The following BID variants were observed in gnomAD, a reference collection of about 807,000 sequenced individuals.
BID encodes the protein BH3 interacting domain death agonist.
A neutral mutation model predicts 17.4 loss-of-function variants in BID; 19 were observed. The ratio of observed to expected loss-of-function variants is 1.09; its 90% CI spans 0.76 to 1.60. BID has a LOEUF of 1.60. Ranked by LOEUF, BID falls within the 40% of genes most tolerant of loss-of-function variation. BID has a pLI of 0.00. For synonymous variants in BID, 108 were observed against 102.8 expected (o/e 1.05, Z -0.31); for missense variants, 226 against 256.0 (o/e 0.88, Z 0.80).
intron 1 of BID, among the ~76,000 whole-genome samples, chr22:17,753,325 G>C (rs1317785402): frequency 6.6e-6 from 1 of 152,226 alleles, no homozygotes; most frequent in Non-Finnish European, 1.5e-5. Flanking sequence ...GGGGCAAGGT[G>C]TTGTGGCAGT....
chr22:17,763,002 G>C (rs1027526599), intron 1 of BID, among the ~76,000 whole-genome samples: 12 of 148,746 alleles, frequency 8.1e-5, no homozygotes, highest in African/African-American at 2.7e-4. Flanking sequence ...TCAGCCTCCC[G>C]AGTAGCTGGG....
At chr22:17,757,187 G>A (rs2061597395) in intron 1 of BID, among the ~76,000 whole-genome samples, 1 of 152,010 alleles carries the variant, frequency 6.6e-6, no homozygotes. Flanking sequence ...GGCCAGGGCA[G>A]GCTGATCACC....
At chr22:17,744,043 G>C in intron 2 of BID, 30 bp from the exon 3 acceptor site, 1 of 1,590,278 alleles carries the variant, frequency 6.3e-7, no homozygotes, top group South Asian at 1.1e-5. Context: ...AGGAAGCCGG[G>C]ACTTCAGCCA....
At chr22:17,764,394 C>T (rs1176904765) in intron 1 of BID, 1 of 152,558 alleles carries the variant, frequency 6.6e-6, no homozygotes, top group Non-Finnish European at 1.5e-5. Flanking sequence ...TGTGCCCCTA[C>T]ACTGAGATGG....
intron 5 of BID, 48 bp downstream of exon 5, chr22:17,737,969 A>G (rs1453195238): frequency 6.3e-7 from 1 of 1,596,022 alleles, no homozygotes; most frequent in African/African-American, 1.3e-5. Flanking sequence ...TCCAGAGAAA[A>G]GGGCATGGGC....
Position 17,748,640 on chromosome 22 carries a change from C to T in BID, c.12+1465G>A, listed in dbSNP as rs547831224. ...GTGACCCCAGCTCTGTGGCCCTGGG[C>T]GGGCTGCCGTACTGCTGCCTCCGCT... On this transcript the variant is annotated intron_variant, in intron 2 of 5. Coordinates refer to ENST00000622694, the MANE Select transcript of BID (RefSeq NM_001196.4). Among the ~76,000 whole-genome samples the T allele has an allele frequency of 2.4e-4, 37 of 152,184 alleles. 1 individual carries two copies. The highest frequency in any genetic ancestry group is 1.2e-4 in the Non-Finnish European group (8 of 68,022).
chr22:17,741,001 A>AT (rs1007183440), intron 3 of BID: 1 of 152,016 alleles, frequency 6.6e-6, no homozygotes, highest in Non-Finnish European at 1.5e-5. Context: ...TAAATCTTCT[A>AT]TTTTTTCTGT....
intron 1 of BID, among the ~76,000 whole-genome samples, chr22:17,768,104 C>G (rs529733212): frequency 6.6e-6 from 1 of 152,220 alleles, no homozygotes; most frequent in Non-Finnish European, 1.5e-5. Flanking sequence ...AAGATTAGGG[C>G]TGCCAGGGCT....
At chr22:17,750,632 C>A (rs920926145) in intron 1 of BID, among the ~76,000 whole-genome samples, 1 of 150,596 alleles carries the variant, frequency 6.6e-6, no homozygotes, top group Non-Finnish European at 1.5e-5. Context: ...ATCGAGACCA[C>A]CCTGGCTAAT....
At chr22:17,752,240 G>C (rs1488157491) in intron 1 of BID, among the ~76,000 whole-genome samples, 1 of 152,182 alleles carries the variant, frequency 6.6e-6, no homozygotes, top group Non-Finnish European at 1.5e-5. Context: ...TTCTCTGCCA[G>C]GGCGACTTGG....
intron 1 of BID, among the ~76,000 whole-genome samples, chr22:17,755,072 T>TTTCTC: frequency 6.9e-6 from 1 of 145,452 alleles, no homozygotes; most frequent in African/African-American, 2.6e-5. Context: ...TGAATTTCTT[T>TTTCTC]TTTTCTTTTC....
rs1190237179 is a variant in BID, at chr22:17,773,949, G to A, written c.-59+432C>T. On this transcript the variant is annotated intron_variant, in intron 1 of 5. Transcript: ENST00000622694. The surrounding 1 kb of genome is among the most constrained non-coding windows in gnomAD (Gnocchi z 4.4). Reference sequence around the variant, plus strand: ...GTGTCTGCGGTGCTGGAAAGACCACGGTGTGGGCGGGGATTCCGATCCGCC... The same window carrying A: ...GTGTCTGCGGTGCTGGAAAGACCACAGTGTGGGCGGGGATTCCGATCCGCC... The A allele has an allele frequency of 9.2e-6, 5 of 542,782 alleles. No individual in the cohort carries two copies. The highest frequency in any genetic ancestry group is 1.6e-5 in the Non-Finnish European group (5 of 304,784). 33.6% of individuals were successfully genotyped at this position (542,782 alleles called of 1,614,324 possible).
At chr22:17,739,717 C>T in intron 3 of BID, 1 of 607,840 alleles carries the variant, frequency 1.6e-6, no homozygotes, top group East Asian at 2.8e-5. Context: ...GGCCCAGGCT[C>T]CCGCACACAG....
rs1029215442 is a variant in BID at position 17,774,333 on chromosome 22, C to T, written c.-59+48G>A. On this transcript the variant is annotated intron_variant, in intron 1 of 5. Transcript: ENST00000622694. ...CGGGGCAGGCGGCAGGCAGGGGTCA[C>T]GGGCTGGGGCTCGGCGCGTACCCCG... The T allele has an allele frequency of 7.7e-5, 12 of 156,236 alleles. No homozygotes were observed. In the South Asian group the frequency reaches 2.0e-3, roughly 26 times the overall value. The allele number at this position is 156,236 out of a possible 1,614,324, so 9.7% of individuals were successfully genotyped here. A position where few individuals can be genotyped will look rare whatever the true frequency, so the allele number is the denominator to read the frequency against.
chr22:17,742,060 G>A (rs2061463161), intron 3 of BID, among the ~76,000 whole-genome samples: 1 of 152,168 alleles, frequency 6.6e-6, no homozygotes, highest in Admixed American at 6.5e-5. Context: ...GTAGCAACAG[G>A]AATCTTTCCT....
chr22:17,774,539 C>G (rs936126146), upstream of BID: 5 of 156,160 alleles, frequency 3.2e-5, no homozygotes, highest in Non-Finnish European at 6.8e-5. Context: ...CCGGCCCGCC[C>G]CCGGCGGCTT....
chr22:17,758,574 G>T (rs922555326), intron 1 of BID, among the ~76,000 whole-genome samples: 1 of 152,140 alleles, frequency 6.6e-6, no homozygotes, highest in Non-Finnish European at 1.5e-5. Flanking sequence ...ATAAAACATG[G>T]GGTGACATAC....
At chr22:17,739,979 G>A (rs2061447405) in intron 3 of BID, 2 of 1,237,442 alleles carry the variant, frequency 1.6e-6, no homozygotes, top group South Asian at 1.3e-5. Flanking sequence ...GCACCGGCAA[G>A]GCCCTGGAGA....
At chr22:17,767,993 A>C (rs2061690715) in intron 1 of BID, among the ~76,000 whole-genome samples, 1 of 152,244 alleles carries the variant, frequency 6.6e-6, no homozygotes. Context: ...AGTTAACATG[A>C]GTTGAAAATA....
Sources: gnomAD v4.1 joint callset for allele counts (sites outside exome capture counted in the v4.1 genomes callset) on GRCh38, gnomAD v4.1.1 for gene constraint, Gnocchi (gnomAD v3.1) non-coding constraint, MANE v1.5 for transcripts, NCBI Gene and HGNC (gene_info 2026-07-23, HGNC 2026-07-21) for gene names.